Variants in IGF2BP2 observed in about 807,000 individuals in gnomAD.
IGF2BP2 encodes insulin-like growth factor 2 mRNA-binding protein 2.
A neutral mutation model predicts 75.8 loss-of-function variants in IGF2BP2; 17 were observed. The observed-to-expected ratio is 0.22, with a 90% CI of 0.15 to 0.34. IGF2BP2 has a LOEUF of 0.34. IGF2BP2 is among the 10% of genes least tolerant of loss of function. IGF2BP2 has a pLI of 1.00. For synonymous variants in IGF2BP2, 288 were observed against 295.6 expected (o/e 0.97, Z 0.26); for missense variants, 516 against 772.4 (o/e 0.67, Z 3.93).
chr3:185,800,463 A>C (rs924822707), intron 2 of IGF2BP2, among the ~76,000 whole-genome samples: 1 of 152,078 alleles, frequency 6.6e-6, no homozygotes, highest in Non-Finnish European at 1.5e-5. Flanking sequence ...GTACTTGCTG[A>C]TGTCGTGGCT....
chr3:185,816,028 A>G (rs1163754033), intron 2 of IGF2BP2, among the ~76,000 whole-genome samples: 1 of 152,160 alleles, frequency 6.6e-6, no homozygotes, highest in African/African-American at 2.4e-5. Flanking sequence ...ACCTCTGGGA[A>G]AGACCTGGCA....
chr3:185,653,335 G>A (rs1226442386), intron 12 of IGF2BP2, among the ~76,000 whole-genome samples: 1 of 151,994 alleles, frequency 6.6e-6, no homozygotes, highest in Non-Finnish European at 1.5e-5. Flanking sequence ...AAAGTAAAAT[G>A]AGGCCAGGCG....
chr3:185,732,444 T>G (rs562581103), intron 2 of IGF2BP2, among the ~76,000 whole-genome samples: 1 of 152,200 alleles, frequency 6.6e-6, no homozygotes, highest in Non-Finnish European at 1.5e-5. Context: ...GATAAACAAC[T>G]GACATTTTGA....
chr3:185,694,029 T>C (rs1336327306), intron 4 of IGF2BP2, among the ~76,000 whole-genome samples: 2 of 152,206 alleles, frequency 1.3e-5, no homozygotes, highest in African/African-American at 4.8e-5. Context: ...ATACTGTTTG[T>C]TAAATAACTT....
intron 1 of IGF2BP2, among the ~76,000 whole-genome samples, chr3:185,823,632 G>A (rs1045142362): frequency 2.6e-5 from 4 of 151,888 alleles, no homozygotes; most frequent in Non-Finnish European, 5.9e-5. Flanking sequence ...TCTCCTCCCG[G>A]TGGCCCCGAG....
intron 10 of IGF2BP2, among the ~76,000 whole-genome samples, chr3:185,666,876 C>T (rs568030044): frequency 1.8e-4 from 28 of 152,118 alleles, no homozygotes; most frequent in Non-Finnish European, 2.6e-4. Flanking sequence ...AGTTGGTAGG[C>T]CCACATGTTT....
At chr3:185,778,246 T>C (rs1734768752) in intron 2 of IGF2BP2, among the ~76,000 whole-genome samples, 1 of 151,998 alleles carries the variant, frequency 6.6e-6, no homozygotes, top group South Asian at 2.1e-4. Flanking sequence ...CACCATTCCA[T>C]CTCACGGCAC....
chr3:185,662,916 A>G (rs978819729), intron 10 of IGF2BP2, among the ~76,000 whole-genome samples: 20 of 152,084 alleles, frequency 1.3e-4, no homozygotes, highest in Non-Finnish European at 7.4e-5. Context: ...CTGACTTCAA[A>G]TGATCCATCT....
Position 185,644,431 on chromosome 3 carries a change from T to A in IGF2BP2, c.*1100A>T, listed in dbSNP as rs1260066612. 6.6e-6 allele frequency: 1 copy of A among 152,422 alleles called. No homozygotes were observed. The highest frequency in any genetic ancestry group is 2.4e-5 in the African/African-American group (1 of 41,374). The allele number at this position is 152,422 out of a possible 1,614,324, so 9.4% of individuals were successfully genotyped here. A position where few individuals can be genotyped will look rare whatever the true frequency, so the allele number is the denominator to read the frequency against. ...GGAATTTTTTCTTTGTTTGGTTGAT[T>A]GGTTGGTTTGGTGGGTTCCTGTTTT... is the stretch of plus-strand genomic sequence containing the variant. On this transcript the variant is annotated 3_prime_UTR_variant, in exon 16 of 16. Coordinates refer to ENST00000382199, the MANE Select transcript of IGF2BP2 (RefSeq NM_006548.6).
At chr3:185,682,179 G>A (rs1720490501) in intron 7 of IGF2BP2, among the ~76,000 whole-genome samples, 1 of 152,166 alleles carries the variant, frequency 6.6e-6, no homozygotes, top group Non-Finnish European at 1.5e-5. Context: ...GGTTTGCTAT[G>A]GTTTCAAATT....
rs573281833 is a variant in IGF2BP2, at chr3:185,645,190, G to A, written c.*341C>T. On this transcript the variant is annotated 3_prime_UTR_variant, in exon 16 of 16. Coordinates refer to ENST00000382199, the MANE Select transcript of IGF2BP2 (RefSeq NM_006548.6). This position sits in a 1 kb window ranked among gnomAD's most constrained non-coding sequence, Gnocchi z 4.9. ...AAGGGTGTGCATTTTGCTTGGCTTTGAACACGTTCACCTATGTTAGTTCAA... is the reference window on the plus strand; with the variant it reads ...AAGGGTGTGCATTTTGCTTGGCTTTAAACACGTTCACCTATGTTAGTTCAA... 3.2e-6 allele frequency: 1 copy of A among 307,800 alleles called. No homozygotes were observed. Among genetic ancestry groups the A allele is most frequent in the South Asian group, 7.1e-5 (1 of 14,138 alleles). 19.1% of individuals were successfully genotyped at this position (307,800 alleles called of 1,614,324 possible).
At chr3:185,659,659 A>T (rs186745465) in intron 10 of IGF2BP2, among the ~76,000 whole-genome samples, 293 of 151,988 alleles carry the variant, frequency 1.9e-3, no homozygotes, top group Non-Finnish European at 2.8e-3. Flanking sequence ...TATAAGTGTG[A>T]GCCACTGCAC....
chr3:185,757,043 T>C (rs1387139318), intron 2 of IGF2BP2, among the ~76,000 whole-genome samples: 1 of 152,124 alleles, frequency 6.6e-6, no homozygotes, highest in East Asian at 1.9e-4. Flanking sequence ...CTCACGATAC[T>C]CCATGGTTCT....
intron 2 of IGF2BP2, among the ~76,000 whole-genome samples, chr3:185,756,379 G>T (rs1412617013): frequency 6.6e-6 from 1 of 152,154 alleles, no homozygotes; most frequent in African/African-American, 2.4e-5. Flanking sequence ...AGTCTCGGGT[G>T]TTCTTTTATA....
chr3:185,733,087 C>T (rs1029071294), intron 2 of IGF2BP2, among the ~76,000 whole-genome samples: 1 of 152,202 alleles, frequency 6.6e-6, no homozygotes, highest in Non-Finnish European at 1.5e-5. Context: ...TACAATAAAG[C>T]TGATAGTCAT....
chr3:185,710,340 G>A (rs542081523), intron 2 of IGF2BP2, among the ~76,000 whole-genome samples: 183 of 152,212 alleles, frequency 1.2e-3, no homozygotes, highest in African/African-American at 4.3e-3. Context: ...CACCTCCATT[G>A]CCCCAGAAGG....
chr3:185,788,720 T>C (rs1453420602), intron 2 of IGF2BP2, among the ~76,000 whole-genome samples: 1 of 145,150 alleles, frequency 6.9e-6, no homozygotes, highest in African/African-American at 2.5e-5. Flanking sequence ...CTTTTTTTTT[T>C]TTTTTTTTTT....
intron 2 of IGF2BP2, among the ~76,000 whole-genome samples, chr3:185,805,978 T>C (rs903132145): frequency 6.6e-6 from 1 of 151,800 alleles, no homozygotes; most frequent in African/African-American, 2.4e-5. Flanking sequence ...TTTCACCATG[T>C]TGGCCAGGCT....
At chr3:185,709,488 G>GT (rs1217105286) in intron 2 of IGF2BP2, among the ~76,000 whole-genome samples, 1 of 152,198 alleles carries the variant, frequency 6.6e-6, no homozygotes, top group Admixed American at 6.5e-5. Flanking sequence ...TCTTTCGACT[G>GT]TAAGAGGAAC....
Sources: allele counts gnomAD v4.1 joint callset (sites outside exome capture counted in the v4.1 genomes callset), GRCh38; gene constraint gnomAD v4.1.1; non-coding constraint Gnocchi (gnomAD v3.1); transcripts MANE v1.5; gene names NCBI Gene and HGNC (gene_info 2026-07-23, HGNC 2026-07-21).